Variants in DLG2 observed in about 807,000 individuals in gnomAD.
The protein encoded by DLG2 is discs large MAGUK scaffold protein 2.
A neutral mutation model predicts 132.5 loss-of-function variants in DLG2; 45 were observed. That is an observed-to-expected ratio of 0.34 (90% CI 0.27 to 0.44). The LOEUF is 0.44. DLG2 is among the 20% of genes least tolerant of loss of function. The pLI is 1.00. For missense variants in DLG2, 1,045 were observed against 1,196.9 expected (o/e 0.87, Z 1.87); for synonymous variants, 424 against 419.6 (o/e 1.01, Z -0.13).
chr11:85,415,133 A>T (rs2089707692), intron 3 of DLG2, among the ~76,000 whole-genome samples: 1 of 152,072 alleles, frequency 6.6e-6, no homozygotes, highest in African/African-American at 2.4e-5. Flanking sequence ...TTCCTGTGTT[A>T]ATTAGCTGAG....
Position 83,740,819 on chromosome 11 carries a change from T to C in DLG2, c.1825+45871A>G, listed in dbSNP as rs986330211. 1.7e-4 allele frequency among the ~76,000 whole-genome samples: 26 copies of C among 152,176 alleles called. 1 individual carries two copies. Among genetic ancestry groups the C allele is most frequent in the African/African-American group, 5.1e-4 (21 of 41,452 alleles). ...GAAAAGTTTTCATTGCTGTATGCTTTTGCCATGCCCCCAGTGACTTGTGTT... is the reference window on the plus strand; with the variant it reads ...GAAAAGTTTTCATTGCTGTATGCTTCTGCCATGCCCCCAGTGACTTGTGTT... On this transcript the variant is annotated intron_variant, in intron 18 of 27. Transcript: ENST00000376104.
At chr11:83,828,360 T>C (rs1362874335) in intron 17 of DLG2, among the ~76,000 whole-genome samples, 1 of 152,118 alleles carries the variant, frequency 6.6e-6, no homozygotes, top group Non-Finnish European at 1.5e-5. Flanking sequence ...GCCACTGTGC[T>C]CCAGCCTGTG....
chr11:85,497,263 C>T (rs553043099), intron 3 of DLG2, among the ~76,000 whole-genome samples: 14 of 151,534 alleles, frequency 9.2e-5, no homozygotes, highest in Admixed American at 2.6e-4. Context: ...AACCACAGTA[C>T]GAGAATTTAG....
chr11:84,431,550 T>C (rs1302018722), intron 7 of DLG2, among the ~76,000 whole-genome samples: 1 of 152,158 alleles, frequency 6.6e-6, no homozygotes, highest in Non-Finnish European at 1.5e-5. Flanking sequence ...ATTTTCATTT[T>C]TTTCCTTTAT....
intron 9 of DLG2, among the ~76,000 whole-genome samples, chr11:84,108,011 T>C (rs2093087465): frequency 6.6e-6 from 1 of 152,054 alleles, no homozygotes; most frequent in Non-Finnish European, 1.5e-5. Context: ...TTTGGTTGCT[T>C]TAGGGGTGAG....
intron 3 of DLG2, among the ~76,000 whole-genome samples, chr11:85,596,933 A>C (rs1305887046): frequency 6.6e-6 from 1 of 152,206 alleles, no homozygotes; most frequent in Non-Finnish European, 1.5e-5. Context: ...TCTTGTTTGC[A>C]CTCTGGTTTA....
intron 8 of DLG2, among the ~76,000 whole-genome samples, chr11:84,166,559 G>A (rs941267706): frequency 1.8e-4 from 26 of 148,170 alleles, no homozygotes; most frequent in African/African-American, 4.0e-4. Context: ...ACAATACCTC[G>A]ATCTTAATTT....
At chr11:85,398,544 A>G (rs941712990) in intron 3 of DLG2, among the ~76,000 whole-genome samples, 2 of 152,210 alleles carry the variant, frequency 1.3e-5, no homozygotes, top group African/African-American at 4.8e-5. Context: ...GGACTAATAA[A>G]GAAGAAAAGA....
chr11:83,939,276 A>C lies in DLG2; in HGVS notation c.1341-8793T>G, dbSNP rs1302886479. Among the ~76,000 whole-genome samples the C allele has an allele frequency of 2.0e-5, 3 of 152,208 alleles. No individual in the cohort carries two copies. The East Asian group carries it at 5.8e-4, about 29-fold the overall frequency. ...CTAGCAGATGAGTGACCTGGTCCTT[A>C]TGAGTTTGGTTTGCTTTTTCAGCAG... On this transcript the variant is annotated intron_variant, in intron 14 of 27. Transcript: ENST00000376104.
At chr11:85,364,459 G>T (rs2084386151) in intron 3 of DLG2, among the ~76,000 whole-genome samples, 1 of 152,164 alleles carries the variant, frequency 6.6e-6, no homozygotes, top group Non-Finnish European at 1.5e-5. Flanking sequence ...CACTGTGGGT[G>T]ACAGAGATAT....
intron 7 of DLG2, among the ~76,000 whole-genome samples, chr11:84,455,706 T>C (rs758268687): frequency 5.3e-5 from 8 of 151,428 alleles, no homozygotes; most frequent in South Asian, 2.1e-4. Context: ...CTACTTTTCA[T>C]TGGGCATTTA....
chr11:84,979,837 A>C lies in DLG2; in HGVS notation c.357+131824T>G, dbSNP rs188598268. Among the ~76,000 whole-genome samples, 147 of 152,242 alleles carry C rather than the reference A, an allele frequency of 9.7e-4. 1 individual carries two copies. The highest frequency in any genetic ancestry group is 3.3e-3 in the African/African-American group (138 of 41,554). ...CAAAAAAATCCTCCTTCAAAAAAAA[A>C]ACAAAAAAACTAGGCTTTGTTATTG... On this transcript the variant is annotated intron_variant, in intron 6 of 27. Coordinates refer to ENST00000376104, the MANE Select transcript of DLG2 (RefSeq NM_001142699.3).
chr11:85,320,336 A>C (rs2080974402), intron 3 of DLG2, among the ~76,000 whole-genome samples: 1 of 151,900 alleles, frequency 6.6e-6, no homozygotes, highest in Admixed American at 6.6e-5. Flanking sequence ...AGAGCATGTA[A>C]GTAGGGAGCT....
intron 8 of DLG2, among the ~76,000 whole-genome samples, chr11:84,227,379 G>T (rs1185272485): frequency 6.6e-6 from 1 of 152,162 alleles, no homozygotes; most frequent in Non-Finnish European, 1.5e-5. Context: ...CAATGGATAT[G>T]AAGGAAACCA....
intron 18 of DLG2, among the ~76,000 whole-genome samples, chr11:83,714,660 G>A (rs934892243): frequency 6.6e-6 from 1 of 152,160 alleles, no homozygotes; most frequent in Non-Finnish European, 1.5e-5. Flanking sequence ...AAGCTCCACA[G>A]TAACAGCTAT....
intron 15 of DLG2, among the ~76,000 whole-genome samples, chr11:83,890,890 G>A (rs1194499813): frequency 6.6e-6 from 1 of 152,146 alleles, no homozygotes; most frequent in Non-Finnish European, 1.5e-5. Flanking sequence ...TGGTGTGTGA[G>A]TGAGGAATCC....
At chr11:83,824,432 T>C (rs535915106) in intron 17 of DLG2, among the ~76,000 whole-genome samples, 7 of 152,164 alleles carry the variant, frequency 4.6e-5, no homozygotes, top group Non-Finnish European at 7.3e-5. Context: ...TAGTGTCTAG[T>C]AGCTTTTGGT....
intron 7 of DLG2, among the ~76,000 whole-genome samples, chr11:84,488,613 AG>A: frequency 6.6e-6 from 1 of 152,116 alleles, no homozygotes; most frequent in Non-Finnish European, 1.5e-5. Flanking sequence ...CTTGCAAGAC[AG>A]CTTACTCTGC....
intron 3 of DLG2, among the ~76,000 whole-genome samples, chr11:85,360,819 A>G (rs1170649552): frequency 6.6e-6 from 1 of 152,202 alleles, no homozygotes; most frequent in Non-Finnish European, 1.5e-5. Context: ...GTATCAACAT[A>G]AAATTGAACA....
Sources: allele counts gnomAD v4.1 joint callset (sites outside exome capture counted in the v4.1 genomes callset), GRCh38; gene constraint gnomAD v4.1.1; transcripts MANE v1.5; gene names NCBI Gene and HGNC (gene_info 2026-07-23, HGNC 2026-07-21).